Variants in ADGRB3 observed in about 807,000 individuals in gnomAD.
ADGRB3 encodes brain-specific angiogenesis inhibitor 3.
A neutral mutation model predicts 193.4 loss-of-function variants in ADGRB3; 37 were observed. That is an observed-to-expected ratio of 0.19 (90% CI 0.15 to 0.25). ADGRB3 has a LOEUF of 0.25. Among genes scored for constraint, ADGRB3 ranks in the 10% least tolerant of loss-of-function variants. The probability of loss-of-function intolerance (pLI) is 1.00; values close to 1 mark genes in which losing one functional copy is unlikely to be tolerated. For synonymous variants in ADGRB3, 690 were observed against 644.2 expected, an observed-to-expected ratio of 1.07 and a Z score of -1.08; for missense variants, 1,637 against 1,852.9, an observed-to-expected ratio of 0.88 and a Z score of 2.14.
intron 17 of ADGRB3, among the ~76,000 whole-genome samples, chr6:69,223,035 C>T (rs1765931292): frequency 6.6e-6 from 1 of 152,042 alleles, no homozygotes; most frequent in South Asian, 2.1e-4. Context: ...AGCCACTCCA[C>T]CCATCTCTAT....
At chr6:68,988,729 G>T (rs925532539) in intron 10 of ADGRB3, among the ~76,000 whole-genome samples, 1 of 152,022 alleles carries the variant, frequency 6.6e-6, no homozygotes, top group African/African-American at 2.4e-5. Flanking sequence ...CCTTTGTGAG[G>T]ATGCTAACGA....
intron 3 of ADGRB3, among the ~76,000 whole-genome samples, chr6:68,874,381 T>G (rs1362941751): frequency 6.6e-6 from 1 of 152,108 alleles, no homozygotes; most frequent in Admixed American, 6.6e-5. Flanking sequence ...TAACTATGAA[T>G]TTTGAATTAT....
At chr6:69,322,168 G>A (rs1339499467) in intron 20 of ADGRB3, among the ~76,000 whole-genome samples, 1 of 151,868 alleles carries the variant, frequency 6.6e-6, no homozygotes, top group Non-Finnish European at 1.5e-5. Flanking sequence ...CCATGTTCCT[G>A]CAAAGGATAT....
intron 3 of ADGRB3, among the ~76,000 whole-genome samples, chr6:68,794,549 AT>A (rs1279030564): frequency 3.9e-5 from 6 of 152,154 alleles, no homozygotes; most frequent in African/African-American, 1.4e-4. Context: ...TACCTAGTTA[AT>A]ATTCACAACA....
chr6:68,931,136 T>A (rs141321560), intron 4 of ADGRB3, among the ~76,000 whole-genome samples: 22 of 152,036 alleles, frequency 1.4e-4, no homozygotes, highest in African/African-American at 4.8e-4. Flanking sequence ...TTTTAAAAAA[T>A]TTAATAATTT....
intron 3 of ADGRB3, among the ~76,000 whole-genome samples, chr6:68,837,495 A>T (rs1292902226): frequency 6.6e-6 from 1 of 152,206 alleles, no homozygotes; most frequent in Non-Finnish European, 1.5e-5. Context: ...TTTGTATGAT[A>T]TAACATAGAT....
intron 17 of ADGRB3, among the ~76,000 whole-genome samples, chr6:69,108,845 G>T (rs1412076464): frequency 2.0e-5 from 3 of 152,148 alleles, no homozygotes; most frequent in Admixed American, 2.0e-4. Context: ...GATGTGAAAT[G>T]TATTGGGCCT....
intron 13 of ADGRB3, among the ~76,000 whole-genome samples, chr6:69,037,645 TTC>T (rs377348716): frequency 0.012 from 1,840 of 147,788 alleles, 19 homozygotes; most frequent in African/African-American, 0.033. Context: ...GGTGTTGTTG[TTC>T]TCTCTCTCTC....
intron 20 of ADGRB3, among the ~76,000 whole-genome samples, chr6:69,239,712 C>G (rs1766345630): frequency 6.7e-6 from 1 of 149,652 alleles, no homozygotes; most frequent in Non-Finnish European, 1.5e-5. Flanking sequence ...TAGATGAAAG[C>G]TACTTTAGAT....
chr6:69,169,151 G>T (rs1282262592), intron 17 of ADGRB3, among the ~76,000 whole-genome samples: 5 of 152,018 alleles, frequency 3.3e-5, no homozygotes, highest in African/African-American at 2.4e-5. Context: ...AAGAGTAAAT[G>T]ATTGAAGAGA....
At chr6:69,384,743 T>C (rs1770026120) in intron 31 of ADGRB3, among the ~76,000 whole-genome samples, 2 of 151,960 alleles carry the variant, frequency 1.3e-5, no homozygotes, top group African/African-American at 4.8e-5. Flanking sequence ...AGGATAGAGT[T>C]GTCATTGCTG....
chr6:68,929,007 A>G (rs1338714644), intron 3 of ADGRB3, among the ~76,000 whole-genome samples: 1 of 152,178 alleles, frequency 6.6e-6, no homozygotes, highest in Non-Finnish European at 1.5e-5. Context: ...AAATTGTTAA[A>G]TGAGTGATTA....
intron 5 of ADGRB3, among the ~76,000 whole-genome samples, chr6:68,941,576 GA>G (rs1026429904): frequency 9.3e-4 from 136 of 145,620 alleles, no homozygotes; most frequent in African/African-American, 2.0e-3. Context: ...TGATTTGACA[GA>G]AAAAAAAAAT....
chr6:68,661,359 G>GTATATATA (rs1768630509), intron 3 of ADGRB3, among the ~76,000 whole-genome samples: 3 of 108,282 alleles, frequency 2.8e-5, no homozygotes, highest in East Asian at 2.3e-4. Flanking sequence ...GTGTGTGTGT[G>GTATATATA]TGTGTATATA....
intron 29 of ADGRB3, among the ~76,000 whole-genome samples, chr6:69,369,305 T>A (rs1769655991): frequency 2.0e-5 from 3 of 152,142 alleles, no homozygotes; most frequent in Non-Finnish European, 4.4e-5. Context: ...TCCAATACAC[T>A]GTATGTATAC....
intron 5 of ADGRB3, among the ~76,000 whole-genome samples, chr6:68,939,246 G>A (rs1767571691): frequency 6.6e-6 from 1 of 152,088 alleles, no homozygotes; most frequent in Admixed American, 6.5e-5. Context: ...TATGCCTGAG[G>A]TAGCAATTTT....
intron 17 of ADGRB3, among the ~76,000 whole-genome samples, chr6:69,154,872 G>T (rs1270762960): frequency 2.6e-5 from 4 of 152,164 alleles, no homozygotes; most frequent in African/African-American, 4.8e-5. Flanking sequence ...TCAAGCAACA[G>T]TTTTTAATTT....
Position 68,831,790 on chromosome 6 carries a change from G to A in ADGRB3, c.758-98769G>A, listed in dbSNP as rs555778941. ...AATAAGTTGTGCCCCCAAAGTTTGG[G>A]AACATAGTTATATCTTGAATTACAT... On this transcript the variant is annotated intron_variant, in intron 3 of 31. Transcript: ENST00000370598. Among the ~76,000 whole-genome samples, 4 of 152,274 alleles carry A rather than the reference G, an allele frequency of 2.6e-5. No homozygotes were observed. In the South Asian group the frequency reaches 8.3e-4, roughly 32 times the overall value.
intron 13 of ADGRB3, among the ~76,000 whole-genome samples, chr6:69,043,397 C>A (rs1204321343): frequency 1.3e-5 from 2 of 151,850 alleles, no homozygotes; most frequent in Admixed American, 1.3e-4. Context: ...CATTTCAGTA[C>A]TAAAGGAGAA....
Sources: allele counts gnomAD v4.1 joint callset (sites outside exome capture counted in the v4.1 genomes callset), GRCh38; gene constraint gnomAD v4.1.1; transcripts MANE v1.5; gene names NCBI Gene and HGNC (gene_info 2026-07-23, HGNC 2026-07-21).